Variants in TRMT11 observed in about 807,000 individuals in gnomAD.
TRMT11 encodes tRNA (guanine(10)-N(2))-methyltransferase TRMT11.
A neutral mutation model predicts 62.8 loss-of-function variants in TRMT11; 53 were observed. The observed-to-expected ratio is 0.84, with a 90% CI of 0.68 to 1.06. The LOEUF is 1.06. Among genes scored for constraint, TRMT11 ranks in the 50% least tolerant of loss-of-function variants. The pLI is 0.00. For synonymous variants in TRMT11, 188 were observed against 190.3 expected (o/e 0.99, Z 0.10); for missense variants, 556 against 553.4 (o/e 1.00, Z -0.05).
downstream of TRMT11, among the ~76,000 whole-genome samples, chr6:126,040,000 G>A (rs946743837): frequency 2.6e-5 from 4 of 151,982 alleles, no homozygotes; most frequent in African/African-American, 9.7e-5. Flanking sequence ...TATTTTGTTT[G>A]GGTTTCTGGA....
downstream of TRMT11, among the ~76,000 whole-genome samples, chr6:126,039,593 G>A (rs1189859668): frequency 6.6e-6 from 1 of 152,044 alleles, no homozygotes; most frequent in Admixed American, 6.6e-5. Flanking sequence ...ATGGTATTAA[G>A]CCTAATCAGT....
rs568588771 is a variant in TRMT11 at position 126,116,576 on chromosome 6, A to G, written c.*1823+721A>G. Among the ~76,000 whole-genome samples, 137 of 152,232 alleles carry G rather than the reference A, an allele frequency of 9.0e-4. 1 individual carries two copies. The highest frequency in any genetic ancestry group is 6.8e-3 in the Middle Eastern group (2 of 294). On this transcript the variant is annotated intron_variant and NMD_transcript_variant, in intron 21 of 22. Transcript: ENST00000648977. ...TTAATTCACTACTCCTAGTGCCACGAGTGGCACGTTGGAGACCATCCTGTC... is the reference window on the plus strand; with the variant it reads ...TTAATTCACTACTCCTAGTGCCACGGGTGGCACGTTGGAGACCATCCTGTC...
chr6:126,178,509 A>T (rs1371896897), intron 1 of TRMT11, among the ~76,000 whole-genome samples: 1 of 152,176 alleles, frequency 6.6e-6, no homozygotes, highest in African/African-American at 2.4e-5. Context: ...AGCTGTGACT[A>T]TATTCTTCTT....
At chr6:126,093,412 A>G (rs986932650) in intron 17 of TRMT11, among the ~76,000 whole-genome samples, 7 of 150,750 alleles carry the variant, frequency 4.6e-5, no homozygotes, top group Admixed American at 4.6e-4. Context: ...GACTATAACA[A>G]TAATTAATTC....
intron 21 of TRMT11, among the ~76,000 whole-genome samples, chr6:126,146,433 T>G (rs772310628): frequency 1.1e-4 from 16 of 152,188 alleles, no homozygotes; most frequent in Non-Finnish European, 1.6e-4. Flanking sequence ...CGAACTGATA[T>G]TCTAACTGTA....
chr6:126,102,926 T>A (rs1777417581), intron 17 of TRMT11, among the ~76,000 whole-genome samples: 1 of 152,192 alleles, frequency 6.6e-6, no homozygotes, highest in African/African-American at 2.4e-5. Flanking sequence ...AGAAAATAAT[T>A]TGCCAAAGTC....
rs1792143712 is a variant in TRMT11 at position 125,999,584 on chromosome 6, A to G, written c.650A>G (p.Asp217Gly). Reference protein sequence around the residue: ...MANHGKVKENDIVFDPFVGTG... With the variant: ...MANHGKVKENGIVFDPFVGTG... ...AACCATGGAAAAGTGAAAGAAAATG[A>G]TATTGTCTTTGATCCATTTGTTGGA... Residue 217 changes from aspartate (D) to glycine (G), a missense_variant, in exon 7 of 13, where the codon GAT becomes GGT. Transcript: ENST00000334379. 3.1e-6 allele frequency: 5 copies of G among 1,611,596 alleles called. No individual in the cohort carries two copies. Among genetic ancestry groups the G allele is most frequent in the Admixed American group, 1.7e-5 (1 of 59,858 alleles).
chr6:126,225,560 C>T, the TRMT11 span, among the ~76,000 whole-genome samples: 2 of 152,012 alleles, frequency 1.3e-5, no homozygotes, highest in African/African-American at 4.8e-5. Flanking sequence ...GCATCTAGTC[C>T]ACCATCTTGG....
chr6:126,196,773 A>G (rs1778671850), intron 1 of TRMT11, among the ~76,000 whole-genome samples: 1 of 152,178 alleles, frequency 6.6e-6, no homozygotes, highest in African/African-American at 2.4e-5. Context: ...AGACCTTTTA[A>G]GTTTCATTTA....
chr6:126,096,170 G>A (rs991085436), intron 17 of TRMT11, among the ~76,000 whole-genome samples: 3 of 152,180 alleles, frequency 2.0e-5, no homozygotes, highest in African/African-American at 4.8e-5. Context: ...GAAGAGTAGA[G>A]GTTTGGGTTT....
intron 7 of TRMT11, among the ~76,000 whole-genome samples, chr6:126,005,901 G>A (rs1793272215): frequency 6.6e-6 from 1 of 151,932 alleles, no homozygotes; most frequent in Admixed American, 6.6e-5. Context: ...GAAGACTAAT[G>A]TATACTCCTT....
the TRMT11 span, among the ~76,000 whole-genome samples, chr6:126,236,428 T>G: frequency 6.6e-6 from 1 of 152,214 alleles, no homozygotes; most frequent in Non-Finnish European, 1.5e-5. Flanking sequence ...TTGTCATAGA[T>G]TACCATTGAC....
chr6:126,082,196 C>T (rs1169217871), intron 17 of TRMT11, among the ~76,000 whole-genome samples: 1 of 151,974 alleles, frequency 6.6e-6, no homozygotes, highest in African/African-American at 2.4e-5. Flanking sequence ...ATGCCGATAC[C>T]ACCGAAAGTG....
At chr6:126,236,914 G>A in the TRMT11 span, among the ~76,000 whole-genome samples, 2 of 152,220 alleles carry the variant, frequency 1.3e-5, no homozygotes, top group East Asian at 3.9e-4. Flanking sequence ...AGCTCCCTGG[G>A]CATAATTCCT....
chr6:126,177,635 A>G (rs978841026), intron 1 of TRMT11, among the ~76,000 whole-genome samples: 1 of 152,134 alleles, frequency 6.6e-6, no homozygotes, highest in African/African-American at 2.4e-5. Context: ...CAGCCTCTAA[A>G]TGCTGGTAAA....
At chr6:126,120,206 A>G (rs1359498693) in intron 21 of TRMT11, among the ~76,000 whole-genome samples, 2 of 152,108 alleles carry the variant, frequency 1.3e-5, no homozygotes, top group Admixed American at 1.3e-4. Flanking sequence ...ACCTGGGAAG[A>G]GGAGGTTGTA....
the TRMT11 span, among the ~76,000 whole-genome samples, chr6:126,253,100 G>GA: frequency 0.24 from 35,018 of 146,386 alleles, 4,894 homozygotes; most frequent in East Asian, 0.53. Context: ...TGGATTTAAT[G>GA]AAAAAAAAAA....
intron 17 of TRMT11, among the ~76,000 whole-genome samples, chr6:126,056,640 C>T (rs141775570): frequency 2.4e-4 from 37 of 152,214 alleles, no homozygotes; most frequent in African/African-American, 6.7e-4. Context: ...TTAGGCCAGG[C>T]GTGAAAGTTG....
At chr6:126,231,575 A>G in the TRMT11 span, among the ~76,000 whole-genome samples, 1 of 152,182 alleles carries the variant, frequency 6.6e-6, no homozygotes, top group Non-Finnish European at 1.5e-5. Context: ...TCAACCGTGC[A>G]GAGGGTTGGT....
Sources: gnomAD v4.1 joint callset for allele counts (sites outside exome capture counted in the v4.1 genomes callset) on GRCh38, gnomAD v4.1.1 for gene constraint, MANE v1.5 for transcripts, NCBI Gene and HGNC (gene_info 2026-07-23, HGNC 2026-07-21) for gene names.